The following CFAP47 variants were observed in gnomAD, a reference collection of about 807,000 sequenced individuals.
CFAP47 encodes the protein cilia and flagella associated protein 47.
Under a neutral mutation model 148.1 loss-of-function variants are expected in CFAP47, and 29 were observed. The observed-to-expected ratio is 0.20, with a 90% CI of 0.15 to 0.27. The LOEUF (loss-of-function observed/expected upper bound fraction) is 0.27. CFAP47 is among the 10% of genes least tolerant of loss of function. CFAP47 has a pLI of 1.00. For synonymous variants in CFAP47, 664 were observed against 577.3 expected (o/e 1.15, Z -2.15); for missense variants, 1,872 against 1,697.5 (o/e 1.10, Z -1.81).
intron 62 of CFAP47, among the ~76,000 whole-genome samples, chrX:36,378,871 G>A (rs1942049801): frequency 9.1e-6 from 1 of 109,746 alleles, no homozygotes; most frequent in Admixed American, 9.7e-5. Context: ...GAGTGCAATG[G>A]CATGATCTCA....
intron 57 of CFAP47, among the ~76,000 whole-genome samples, chrX:36,330,590 T>A (rs181716455): frequency 7.5e-4 from 84 of 111,816 alleles, no homozygotes; most frequent in Non-Finnish European, 7.1e-4. Flanking sequence ...TGCATCAATG[T>A]CAAATCAAAA....
intron 57 of CFAP47, among the ~76,000 whole-genome samples, chrX:36,334,329 C>T (rs1447500673): frequency 9.0e-6 from 1 of 111,676 alleles, no homozygotes; most frequent in Non-Finnish European, 1.9e-5. Context: ...TGGATGAATT[C>T]CTGTTACCCT....
chrX:36,066,442 C>T (rs186239240), intron 27 of CFAP47, among the ~76,000 whole-genome samples: 22 of 111,591 alleles, frequency 2.0e-4, no homozygotes, highest in Non-Finnish European at 3.6e-4. Flanking sequence ...CAGGGGATGA[C>T]TCTTTTTTCT....
At chrX:36,180,732 A>T (rs1939740648) in intron 40 of CFAP47, among the ~76,000 whole-genome samples, 1 of 112,261 alleles carries the variant, frequency 8.9e-6, no homozygotes, top group African/African-American at 3.2e-5. Context: ...TTAAAGAAGA[A>T]ACCATTTTTG....
intron 45 of CFAP47, among the ~76,000 whole-genome samples, chrX:36,217,194 A>G (rs1399759018): frequency 8.9e-6 from 1 of 111,732 alleles, no homozygotes; most frequent in Non-Finnish European, 1.9e-5. Context: ...TTTCAGCATG[A>G]TCCTTCTTTG....
At chrX:36,342,934 A>G (rs1941666013) in intron 57 of CFAP47, among the ~76,000 whole-genome samples, 1 of 110,946 alleles carries the variant, frequency 9.0e-6, no homozygotes, top group Admixed American at 9.6e-5. Context: ...CATGCATTAG[A>G]TATTTGTCCT....
At chrX:35,970,544 C>G (rs1436818736) in intron 10 of CFAP47, among the ~76,000 whole-genome samples, 2 of 110,618 alleles carry the variant, frequency 1.8e-5, no homozygotes, top group Non-Finnish European at 3.8e-5. Flanking sequence ...AGTGACCTTA[C>G]AACGGATTTT....
chrX:36,060,733 A>C (rs1336281588), intron 26 of CFAP47, among the ~76,000 whole-genome samples: 2 of 111,390 alleles, frequency 1.8e-5, no homozygotes, highest in Non-Finnish European at 3.8e-5. Flanking sequence ...TTAGGGCACG[A>C]AATTGGTTCA....
intron 2 of CFAP47, among the ~76,000 whole-genome samples, chrX:35,935,904 C>T (rs1238440921): frequency 9.0e-6 from 1 of 111,156 alleles, no homozygotes; most frequent in East Asian, 2.9e-4. Flanking sequence ...ATATGGAACA[C>T]ATTCTTTCTC....
At chrX:36,128,607 T>C (rs1301453853) in intron 33 of CFAP47, among the ~76,000 whole-genome samples, 2 of 110,773 alleles carry the variant, frequency 1.8e-5, no homozygotes, top group Non-Finnish European at 3.8e-5. Context: ...TTGTATAATC[T>C]TAAACAGAGC....
At chrX:36,382,993 T>C (rs1942092277) in intron 63 of CFAP47, among the ~76,000 whole-genome samples, 1 of 111,103 alleles carries the variant, frequency 9.0e-6, no homozygotes, top group Non-Finnish European at 1.9e-5. Flanking sequence ...TTATTTATGG[T>C]TAAACTGAAG....
At chrX:36,315,428 C>T (rs782156753) in intron 56 of CFAP47, among the ~76,000 whole-genome samples, 3 of 112,194 alleles carry the variant, frequency 2.7e-5, no homozygotes, top group Non-Finnish European at 5.6e-5. Flanking sequence ...GTGAACCCGA[C>T]CTTTAACTTA....
intron 2 of CFAP47, among the ~76,000 whole-genome samples, chrX:35,931,760 A>G (rs1022488070): frequency 2.7e-5 from 3 of 111,733 alleles, no homozygotes; most frequent in Admixed American, 9.5e-5. Flanking sequence ...CTAGTGGCAT[A>G]AACATTTTGT....
At chrX:36,288,999 C>CTTTTTTT (rs34230885) in intron 51 of CFAP47, among the ~76,000 whole-genome samples, 33 of 66,404 alleles carry the variant, frequency 5.0e-4, no homozygotes, top group Non-Finnish European at 7.5e-4. Flanking sequence ...TTCTTTCATC[C>CTTTTTTT]TTTTTTTTTT....
chrX:35,985,440 G>A (rs919216702), intron 15 of CFAP47, among the ~76,000 whole-genome samples: 8 of 111,358 alleles, frequency 7.2e-5, no homozygotes, highest in African/African-American at 2.6e-4. Flanking sequence ...GCAAAGCAGT[G>A]GAACAAGTTG....
intron 48 of CFAP47, among the ~76,000 whole-genome samples, chrX:36,239,531 C>T (rs1940515150): frequency 8.9e-6 from 1 of 111,962 alleles, no homozygotes; most frequent in Non-Finnish European, 1.9e-5. Context: ...AGCAGCATCC[C>T]ACTAGGAAGG....
At chrX:36,077,369 A>G (rs929059007) in intron 29 of CFAP47, among the ~76,000 whole-genome samples, 31 of 107,731 alleles carry the variant, frequency 2.9e-4, no homozygotes, top group African/African-American at 9.4e-4. Flanking sequence ...CAGTAAGTCC[A>G]TTTTAACTAT....
intron 49 of CFAP47, among the ~76,000 whole-genome samples, chrX:36,255,293 C>T (rs1471244170): frequency 8.9e-6 from 1 of 112,096 alleles, no homozygotes; most frequent in Admixed American, 9.5e-5. Context: ...GAATGCAGGA[C>T]ATTTATTAGG....
intron 33 of CFAP47, among the ~76,000 whole-genome samples, chrX:36,134,668 AC>A (rs1343672271): frequency 5.4e-5 from 6 of 111,315 alleles, no homozygotes; most frequent in African/African-American, 2.0e-4. Context: ...AACCCACACA[AC>A]TTTTATATAC....
Sources: gnomAD v4.1 joint callset for allele counts (sites outside exome capture counted in the v4.1 genomes callset) on GRCh38, gnomAD v4.1.1 for gene constraint, MANE v1.5 for transcripts, NCBI Gene and HGNC (gene_info 2026-07-23, HGNC 2026-07-21) for gene names.